The following SEMA5B variants were observed in gnomAD, a reference collection of about 807,000 sequenced individuals.
SEMA5B encodes semaphorin-5B.
SEMA5B carries 66 observed loss-of-function variants against 135.0 expected under a neutral mutation model. The ratio of observed to expected loss-of-function variants is 0.49; its 90% CI spans 0.40 to 0.60. SEMA5B has a LOEUF of 0.60. SEMA5B is among the 20% of genes least tolerant of loss of function. SEMA5B has a pLI of 0.00. For synonymous variants in SEMA5B, 690 were observed against 639.5 expected, an observed-to-expected ratio of 1.08 and a Z score of -1.19; for missense variants, 1,501 against 1,566.3, an observed-to-expected ratio of 0.96 and a Z score of 0.70.
chr3:122,929,975 C>T (rs1420141364), intron 5 of SEMA5B, among the ~76,000 whole-genome samples: 2 of 152,162 alleles, frequency 1.3e-5, no homozygotes, highest in East Asian at 1.9e-4. Flanking sequence ...ACAGCCCTGG[C>T]GTGGCTCATT....
chr3:122,956,491 G>T (rs976864016), intron 2 of SEMA5B, among the ~76,000 whole-genome samples: 2 of 152,204 alleles, frequency 1.3e-5, no homozygotes, highest in Admixed American at 1.3e-4. Context: ...GCAGAGAAGT[G>T]GGGGCAGGAG....
chr3:122,986,776 G>C (rs893469040), intron 1 of SEMA5B, among the ~76,000 whole-genome samples: 1 of 152,200 alleles, frequency 6.6e-6, no homozygotes, highest in Non-Finnish European at 1.5e-5. Context: ...ACTCTCAGCT[G>C]AAGTTAACCC....
chr3:122,973,605 T>C (rs1427687642), intron 1 of SEMA5B, among the ~76,000 whole-genome samples: 4 of 152,244 alleles, frequency 2.6e-5, no homozygotes, highest in Admixed American at 2.6e-4. Flanking sequence ...GTTTATGTTA[T>C]CGCAGTTATG....
At chr3:122,947,731 C>T (rs575466466) in intron 3 of SEMA5B, among the ~76,000 whole-genome samples, 7 of 152,116 alleles carry the variant, frequency 4.6e-5, no homozygotes, top group Non-Finnish European at 2.9e-5. Flanking sequence ...TGCCAGTGTC[C>T]CTCAAACTTA....
chr3:122,912,218 G>A lies in SEMA5B; in HGVS notation c.2850C>T (p.Leu950=). 4 of 1,608,746 alleles carry A rather than the reference G, an allele frequency of 2.5e-6. No individual in the cohort carries two copies. Among genetic ancestry groups the A allele is most frequent in the Non-Finnish European group, 3.4e-6 (4 of 1,176,680 alleles). The part of the protein sequence containing the change: ...PAPSPGEDIC[L]GLHTEEALCA... ...ATAGTGCCTCCTCCGTGTGCAGCCC[G>A]AGACAGATGTCCTCACCTGGGGAGG... The change falls in exon 19 of 23, where the codon CTC becomes CTT. Residue 950 remains leucine, a synonymous_variant. Transcript: ENST00000357599.
At chr3:122,926,243 C>T (rs923826715) in intron 9 of SEMA5B, 149 bp downstream of exon 9, 29 of 744,106 alleles carry the variant, frequency 3.9e-5, no homozygotes, top group Admixed American at 2.3e-4. Flanking sequence ...ACGAGCTTAC[C>T]GCTCCAGAAG....
At chr3:123,009,242 G>A (rs771518289) in intron 1 of SEMA5B, among the ~76,000 whole-genome samples, 10 of 152,148 alleles carry the variant, frequency 6.6e-5, no homozygotes, top group Non-Finnish European at 5.9e-5. Flanking sequence ...TGCAGGGAGC[G>A]GGGGTTGAGA....
chr3:122,947,066 T>C (rs867463342), intron 3 of SEMA5B, among the ~76,000 whole-genome samples: 15 of 151,928 alleles, frequency 9.9e-5, no homozygotes, highest in African/African-American at 3.6e-4. Context: ...AAGCCAATAT[T>C]GCCCCCAACA....
At chr3:122,955,322 T>C (rs920210876) in intron 2 of SEMA5B, among the ~76,000 whole-genome samples, 4 of 152,178 alleles carry the variant, frequency 2.6e-5, no homozygotes, top group Admixed American at 6.5e-5. Flanking sequence ...GTTGTGGAGA[T>C]GAAATAAGTT....
At chr3:122,944,833 C>G (rs948073866) in intron 3 of SEMA5B, among the ~76,000 whole-genome samples, 3 of 152,184 alleles carry the variant, frequency 2.0e-5, no homozygotes, top group Admixed American at 2.0e-4. Flanking sequence ...ATGCATGACC[C>G]ATGGATGGGT....
At chr3:122,945,333 G>GCC (rs1939738053) in intron 3 of SEMA5B, among the ~76,000 whole-genome samples, 1 of 152,212 alleles carries the variant, frequency 6.6e-6, no homozygotes, top group Non-Finnish European at 1.5e-5. Flanking sequence ...GGCAATATAG[G>GCC]ATAAGAAGTG....
At chr3:122,972,094 C>T (rs974222028) in intron 1 of SEMA5B, among the ~76,000 whole-genome samples, 1 of 152,186 alleles carries the variant, frequency 6.6e-6, no homozygotes, top group Non-Finnish European at 1.5e-5. Flanking sequence ...AGGAGTCCCT[C>T]ACTGCTCCAG....
chr3:122,956,575 G>A (rs575973068), intron 2 of SEMA5B, among the ~76,000 whole-genome samples: 13 of 152,200 alleles, frequency 8.5e-5, no homozygotes, highest in Admixed American at 3.3e-4. Context: ...GAAGGATGAC[G>A]GAGACAGAGG....
At chr3:122,987,386 G>T (rs958235174) in intron 1 of SEMA5B, among the ~76,000 whole-genome samples, 1 of 152,202 alleles carries the variant, frequency 6.6e-6, no homozygotes, top group Admixed American at 6.5e-5. Context: ...ATGGCTGCAG[G>T]TGGGCAGGCA....
intron 2 of SEMA5B, among the ~76,000 whole-genome samples, chr3:122,956,330 T>C (rs1354932457): frequency 1.3e-5 from 2 of 152,168 alleles, no homozygotes; most frequent in Admixed American, 6.5e-5. Flanking sequence ...CGCATGTGTG[T>C]GAGAGAATGC....
rs1234237154 is a variant in SEMA5B at position 122,921,890 on chromosome 3, C to A, written c.1688+25G>T. The A allele has an allele frequency of 7.2e-6, 11 of 1,519,294 alleles. No individual in the cohort carries two copies. The Admixed American group carries it at 8.3e-5, about 12-fold the overall frequency. 94.1% of individuals were successfully genotyped at this position (1,519,294 alleles called of 1,614,324 possible). A position where few individuals can be genotyped will look rare whatever the true frequency, so the allele number is the denominator to read the frequency against. ...AGCGCCTCCTCCGCAGTGGAGGCCT[C>A]GGGAGCCGCCCCGTCCCGGCTTACC... On this transcript the variant is annotated intron_variant, in intron 12 of 22. Coordinates refer to ENST00000357599, the MANE Select transcript of SEMA5B (RefSeq NM_001031702.4).
chr3:122,948,739 C>T (rs117502153), intron 2 of SEMA5B, 30 bp from the exon 3 acceptor site: 15 of 1,547,860 alleles, frequency 9.7e-6, no homozygotes, highest in Admixed American at 8.9e-5. Flanking sequence ...TCTCACCAAG[C>T]GCTCCCTCCA....
At chr3:122,912,093 G>A (rs750722907) in intron 19 of SEMA5B, 24 bp from the exon 20 acceptor site, 48 of 1,600,916 alleles carry the variant, frequency 3.0e-5, no homozygotes, top group Middle Eastern at 1.7e-4. Context: ...GTAGGATGAG[G>A]TTAACTGCCC....
chr3:122,925,619 G>A (rs971981409), intron 9 of SEMA5B, among the ~76,000 whole-genome samples: 1 of 151,890 alleles, frequency 6.6e-6, no homozygotes, highest in Admixed American at 6.6e-5. Flanking sequence ...GCAGTGAGCC[G>A]AGATTGCCCC....
Sources: allele counts gnomAD v4.1 joint callset (sites outside exome capture counted in the v4.1 genomes callset), GRCh38; gene constraint gnomAD v4.1.1; transcripts MANE v1.5; gene names NCBI Gene and HGNC (gene_info 2026-07-23, HGNC 2026-07-21).